The following SMOC1 variants were observed in gnomAD, a reference collection of about 807,000 sequenced individuals.
SMOC1 encodes the protein SPARC-related modular calcium-binding protein 1.
A neutral mutation model predicts 56.3 loss-of-function variants in SMOC1; 22 were observed. The ratio of observed to expected loss-of-function variants is 0.39; its 90% CI spans 0.28 to 0.56. The LOEUF (loss-of-function observed/expected upper bound fraction) is 0.56. Among genes scored for constraint, SMOC1 ranks in the 20% least tolerant of loss-of-function variants. The pLI, the probability that SMOC1 is intolerant of heterozygous loss-of-function variation, is 0.61. For missense variants in SMOC1, 509 were observed against 565.4 expected (o/e 0.90, Z 1.01); for synonymous variants, 193 against 215.0 (o/e 0.90, Z 0.89).
chr14:69,963,141 T>G (rs759744196), intron 3 of SMOC1, among the ~76,000 whole-genome samples: 2 of 152,172 alleles, frequency 1.3e-5, no homozygotes, highest in Non-Finnish European at 2.9e-5. Flanking sequence ...TGAAATCTTA[T>G]TTTTTCTTTG....
chr14:70,006,628 T>C (rs186462174), intron 7 of SMOC1, among the ~76,000 whole-genome samples: 5 of 152,344 alleles, frequency 3.3e-5, no homozygotes, highest in Admixed American at 2.0e-4. Context: ...TGTACTGGCT[T>C]ACCATAAAAA....
chr14:69,933,690 G>A (rs1004654651), intron 1 of SMOC1, among the ~76,000 whole-genome samples: 14 of 152,024 alleles, frequency 9.2e-5, no homozygotes, highest in African/African-American at 3.4e-4. Flanking sequence ...GCTTATTTTT[G>A]TATTTTTAGT....
intron 11 of SMOC1, among the ~76,000 whole-genome samples, chr14:70,029,609 G>A (rs566600134): frequency 1.6e-4 from 24 of 152,300 alleles, no homozygotes; most frequent in African/African-American, 4.8e-4. Flanking sequence ...CCCAGCATAC[G>A]GAAGAAGGTG....
At chr14:69,993,295 A>T (rs1401756078) in intron 6 of SMOC1, among the ~76,000 whole-genome samples, 1 of 152,044 alleles carries the variant, frequency 6.6e-6, no homozygotes, top group African/African-American at 2.4e-5. Context: ...TAGAGAGAGG[A>T]TAGGAGTGCG....
chr14:69,971,176 G>A (rs978577848), intron 3 of SMOC1, among the ~76,000 whole-genome samples: 3 of 152,020 alleles, frequency 2.0e-5, no homozygotes, highest in South Asian at 4.1e-4. Flanking sequence ...CTGCCACCAC[G>A]CCTACTAATT....
intron 1 of SMOC1, among the ~76,000 whole-genome samples, chr14:69,940,444 C>T (rs1315526742): frequency 6.6e-6 from 1 of 152,216 alleles, no homozygotes; most frequent in African/African-American, 2.4e-5. Flanking sequence ...CTGGTCAGAT[C>T]TCATAGGAGT....
intron 1 of SMOC1, among the ~76,000 whole-genome samples, chr14:69,946,178 A>G (rs1882777080): frequency 6.6e-6 from 1 of 152,220 alleles, no homozygotes; most frequent in Admixed American, 6.5e-5. Context: ...ACTATGCTGG[A>G]GACTGAAGGG....
chr14:69,948,284 G>A (rs776244628), intron 1 of SMOC1, among the ~76,000 whole-genome samples: 4 of 152,174 alleles, frequency 2.6e-5, no homozygotes, highest in African/African-American at 9.7e-5. Context: ...AGATGAAAAT[G>A]TGACACCATA....
At chr14:70,020,733 G>A (rs1885687176) in intron 10 of SMOC1, among the ~76,000 whole-genome samples, 1 of 152,142 alleles carries the variant, frequency 6.6e-6, no homozygotes, top group African/African-American at 2.4e-5. Flanking sequence ...TCAAAATGTT[G>A]TTCTTCTGGC....
At position 69,996,387 on chromosome 14, in the gene SMOC1, A is replaced by G. The variant is rs78168384; in HGVS notation, c.664+1907A>G. On this transcript the variant is annotated intron_variant, in intron 7 of 11. Transcript: ENST00000361956. ...GTCAGAGGCTGAGACAGAGGAAGTAACTTGTCCTGAGTCATAGCTAGGGAG... is the reference window on the plus strand; with the variant it reads ...GTCAGAGGCTGAGACAGAGGAAGTAGCTTGTCCTGAGTCATAGCTAGGGAG... Among the ~76,000 whole-genome samples, 1,501 of 152,324 alleles carry G rather than the reference A, an allele frequency of 9.9e-3. 16 individuals are homozygous for G. The highest frequency in any genetic ancestry group is 0.017 in the South Asian group (84 of 4,818).
chr14:69,911,104 G>T (rs530042874), intron 1 of SMOC1, among the ~76,000 whole-genome samples: 1 of 152,162 alleles, frequency 6.6e-6, no homozygotes, highest in Admixed American at 6.5e-5. Flanking sequence ...CCTGTATGGC[G>T]CAGCATACAA....
chr14:69,918,456 G>A (rs1335054754), intron 1 of SMOC1, among the ~76,000 whole-genome samples: 2 of 152,214 alleles, frequency 1.3e-5, no homozygotes, highest in Non-Finnish European at 1.5e-5. Context: ...TTGAACTCCT[G>A]AATTCAAGCA....
At chr14:69,970,036 C>T (rs917561230) in intron 3 of SMOC1, among the ~76,000 whole-genome samples, 6 of 152,030 alleles carry the variant, frequency 3.9e-5, no homozygotes, top group African/African-American at 1.2e-4. Flanking sequence ...AACAAAGAAG[C>T]GAGTCTGGGA....
chr14:69,942,548 A>T (rs1241775802), intron 1 of SMOC1, among the ~76,000 whole-genome samples: 1 of 152,182 alleles, frequency 6.6e-6, no homozygotes, highest in Non-Finnish European at 1.5e-5. Context: ...TCCATCGCCC[A>T]CAAACATGTT....
intron 1 of SMOC1, among the ~76,000 whole-genome samples, chr14:69,910,928 C>T (rs1371551257): frequency 6.6e-6 from 1 of 152,092 alleles, no homozygotes; most frequent in African/African-American, 2.4e-5. Flanking sequence ...CAGGGAGTTT[C>T]CAAGGACGGA....
intron 3 of SMOC1, among the ~76,000 whole-genome samples, chr14:69,958,093 C>G (rs1453751200): frequency 1.3e-5 from 2 of 152,000 alleles, no homozygotes; most frequent in African/African-American, 4.8e-5. Context: ...ACACAAATAC[C>G]TTAAACAAAA....
intron 11 of SMOC1, among the ~76,000 whole-genome samples, chr14:70,024,706 T>C (rs1166136428): frequency 6.6e-6 from 1 of 152,026 alleles, no homozygotes; most frequent in African/African-American, 2.4e-5. Flanking sequence ...ATTTTAACAG[T>C]GGTAGGAAGA....
At chr14:69,901,596 G>A (rs964043381) in intron 1 of SMOC1, among the ~76,000 whole-genome samples, 1 of 152,234 alleles carries the variant, frequency 6.6e-6, no homozygotes, top group Non-Finnish European at 1.5e-5. Flanking sequence ...TGAGTTAAAA[G>A]TATTCTGATT....
At chr14:70,025,975 G>T (rs1401662304) in intron 11 of SMOC1, among the ~76,000 whole-genome samples, 1 of 152,178 alleles carries the variant, frequency 6.6e-6, no homozygotes, top group African/African-American at 2.4e-5. Flanking sequence ...TTTGTAAGAT[G>T]AACTTACACT....
Sources: allele counts gnomAD v4.1 joint callset (sites outside exome capture counted in the v4.1 genomes callset), GRCh38; gene constraint gnomAD v4.1.1; transcripts MANE v1.5; gene names NCBI Gene and HGNC (gene_info 2026-07-23, HGNC 2026-07-21).